BRF1: variants seen among roughly 807,000 people sequenced by gnomAD.
BRF1 encodes BRF1 general transcription factor IIIB subunit.
BRF1 carries 59 observed loss-of-function variants against 81.7 expected under a neutral mutation model. The observed-to-expected ratio is 0.72, with a 90% CI of 0.59 to 0.90. The LOEUF (loss-of-function observed/expected upper bound fraction) is 0.90, where lower values mean the gene tolerates loss of function less well. Ranked by LOEUF, BRF1 falls within the 40% of genes least tolerant of loss-of-function variation. The pLI is 0.00. For missense variants in BRF1, 1,050 were observed against 936.3 expected (o/e 1.12, Z -1.58); for synonymous variants, 491 against 395.6 (o/e 1.24, Z -2.86).
Position 105,249,287 on chromosome 14 carries a change from C to T in BRF1, c.544+3220G>A, listed in dbSNP as rs777472130. On this transcript the variant is annotated intron_variant, in intron 5 of 17. Transcript: ENST00000547530. ...CCCCTCTCGGAACGCGTGCCCCGTC[C>T]GCCCCGTCCGCCGTGTGGCTGACAC... 15 of 1,562,918 alleles carry T rather than the reference C, an allele frequency of 9.6e-6. 1 individual carries two copies. In the South Asian group the frequency reaches 1.5e-4, roughly 16 times the overall value.
intron 3 of BRF1, among the ~76,000 whole-genome samples, chr14:105,267,417 C>T (rs1487812821): frequency 1.3e-5 from 2 of 152,036 alleles, no homozygotes; most frequent in Admixed American, 1.3e-4. Flanking sequence ...GATCCTCCCA[C>T]CTCAGCCTCC....
intron 5 of BRF1, among the ~76,000 whole-genome samples, chr14:105,244,228 A>G (rs1044985278): frequency 6.6e-6 from 1 of 152,128 alleles, no homozygotes; most frequent in Non-Finnish European, 1.5e-5. Flanking sequence ...GGATCGCTTG[A>G]GCCCAGGAGT....
chr14:105,227,815 T>G (rs972396310), intron 7 of BRF1: 16 of 152,262 alleles, frequency 1.1e-4, no homozygotes, highest in Admixed American at 6.5e-4. Flanking sequence ...AATGGTCAGA[T>G]GTTTAAAGTG....
chr14:105,258,426 T>C (rs1468166757), intron 3 of BRF1, among the ~76,000 whole-genome samples: 7 of 151,226 alleles, frequency 4.6e-5, no homozygotes, highest in Admixed American at 4.6e-4. Flanking sequence ...AAGGCGGAGC[T>C]TGCAGTGAGC....
chr14:105,283,511 G>A (rs1211806310), intron 2 of BRF1, among the ~76,000 whole-genome samples: 5 of 152,184 alleles, frequency 3.3e-5, no homozygotes, highest in African/African-American at 1.2e-4. Context: ...GGGGCCTCCT[G>A]GGCCTGCAGG....
At chr14:105,264,918 G>C (rs56074612) in intron 3 of BRF1, among the ~76,000 whole-genome samples, 2 of 152,058 alleles carry the variant, frequency 1.3e-5, no homozygotes, top group Admixed American at 1.3e-4. Flanking sequence ...GAGCAAAAGA[G>C]AGAAAGGCTA....
rs758996159 is a variant in BRF1 at position 105,228,882 on chromosome 14, G to A, written c.726C>T (p.Phe242=). 9 of 1,613,840 alleles carry A rather than the reference G, an allele frequency of 5.6e-6. 1 individual carries two copies. Among genetic ancestry groups the A allele is most frequent in the South Asian group, 3.3e-5 (3 of 91,088 alleles). ...TGATGACCTCCTTCACAGTCCTCCT[G>A]AAGTCATGCATTCTGGCTGCAACCA... ...ALLVAARMHD[F]RRTVKEVISV... Residue 242 remains phenylalanine, a synonymous_variant, in exon 7 of 18, where the codon TTC becomes TTT. Coordinates refer to ENST00000547530, the MANE Select transcript of BRF1 (RefSeq NM_001519.4).
intron 6 of BRF1, 83 bp downstream of exon 6, chr14:105,241,182 C>T (rs1307434812): frequency 5.8e-6 from 9 of 1,565,064 alleles, no homozygotes; most frequent in East Asian, 4.5e-5. Context: ...ACATACGGCC[C>T]AGCCCACCAG....
chr14:105,226,025 C>T (rs778289792), intron 10 of BRF1, 44 bp downstream of exon 10: 30 of 1,533,920 alleles, frequency 2.0e-5, no homozygotes, highest in Non-Finnish European at 2.7e-5. Context: ...GAGACTCTAG[C>T]ACATTTTAAA....
chr14:105,302,186 A>G (rs374297911), upstream of BRF1, among the ~76,000 whole-genome samples: 1 of 141,558 alleles, frequency 7.1e-6, no homozygotes. Context: ...GGAAGACCCC[A>G]CCCTCTTTTT....
At chr14:105,303,086 G>C (rs587683048), upstream of BRF1, among the ~76,000 whole-genome samples, 1 of 151,958 alleles carries the variant, frequency 6.6e-6, no homozygotes, top group Admixed American at 6.6e-5. Context: ...GTGCCACCAC[G>C]CCCAGCTAAT....
intron 1 of BRF1, among the ~76,000 whole-genome samples, chr14:105,293,933 G>T (rs186748340): frequency 6.6e-6 from 1 of 152,354 alleles, no homozygotes; most frequent in East Asian, 1.9e-4. Flanking sequence ...CAGTGGCCTT[G>T]GGACTAGAAA....
chr14:105,220,053 G>A lies in BRF1; in HGVS notation c.1377+16C>T, dbSNP rs587624542. 6.2e-7 allele frequency: 1 copy of A among 1,611,226 alleles called. No individual in the cohort carries two copies. Among genetic ancestry groups the A allele is most frequent in the Admixed American group, 1.7e-5 (1 of 60,024 alleles). The stretch of plus-strand genomic sequence containing the variant: ...CCCAAGCCCAGCCCCTCTTGGGAAG[G>A]GGTGCTGCCACGTACCCTGTCAATC... On this transcript the variant is annotated intron_variant, in intron 12 of 17. Coordinates refer to ENST00000547530, the MANE Select transcript of BRF1 (RefSeq NM_001519.4).
In BRF1 at chr14:105,210,422, G is replaced by T; in HGVS notation, c.*129C>A. ...AGTTCCACATGGGACGAGGGCTGTG[G>T]GACAGGTGCCACCTGTCACCAGGAG... On this transcript the variant is annotated 3_prime_UTR_variant, in exon 18 of 18. Coordinates refer to ENST00000547530, the MANE Select transcript of BRF1 (RefSeq NM_001519.4). This position sits in a 1 kb window ranked among gnomAD's most constrained non-coding sequence, Gnocchi z 4.7. 4.1e-6 allele frequency: 4 copies of T among 978,966 alleles called. No individual in the cohort carries two copies. Among genetic ancestry groups the T allele is most frequent in the East Asian group, 2.6e-5 (1 of 38,356 alleles). The allele number at this position is 978,966 out of a possible 1,614,324, so 60.6% of individuals were successfully genotyped here.
At chr14:105,313,154 G>A (rs1171639468) in intron 1 of BRF1, among the ~76,000 whole-genome samples, 6 of 152,212 alleles carry the variant, frequency 3.9e-5, no homozygotes, top group Non-Finnish European at 5.9e-5. Flanking sequence ...GCCTGGGTTA[G>A]ACGCTGGCAT....
intron 3 of BRF1, among the ~76,000 whole-genome samples, chr14:105,260,167 A>G (rs1457555041): frequency 6.6e-6 from 1 of 152,182 alleles, no homozygotes; most frequent in Non-Finnish European, 1.5e-5. Flanking sequence ...CTTTACCTTC[A>G]GAGGAGAAAA....
chr14:105,229,681 C>A (rs1355074511), intron 6 of BRF1, among the ~76,000 whole-genome samples: 6 of 148,068 alleles, frequency 4.1e-5, no homozygotes, highest in African/African-American at 1.5e-4. Context: ...CCCTCAGGAG[C>A]AACAACCTAG....
In BRF1 at chr14:105,228,876, C is replaced by A. The variant is rs1415764640; in HGVS notation, c.732G>T (p.Arg244Ser). Residue 244 changes from arginine to serine, a missense_variant, in exon 7 of 18, where the codon AGG (arginine) becomes AGT (serine). By Grantham distance (110) the Arg-to-Ser change is moderately radical (BLOSUM62 -1). Coordinates refer to ENST00000547530, the MANE Select transcript of BRF1 (RefSeq NM_001519.4). The stretch of plus-strand genomic sequence containing the variant: ...CCACACTGATGACCTCCTTCACAGT[C>A]CTCCTGAAGTCATGCATTCTGGCTG... The part of the protein sequence containing the change: ...LVAARMHDFR[R>S]TVKEVISVVK... 6.2e-6 allele frequency: 10 copies of A among 1,613,876 alleles called. No homozygotes were observed. Among genetic ancestry groups the A allele is most frequent in the Non-Finnish European group, 7.6e-6 (9 of 1,180,022 alleles).
chr14:105,252,653 C>T (rs2055675700), intron 4 of BRF1, 74 bp from the exon 5 acceptor site: 1 of 1,494,410 alleles, frequency 6.7e-7, no homozygotes, highest in Admixed American at 1.9e-5. Flanking sequence ...TCTTAAAATG[C>T]ATCTCTTGTG....
Sources: gnomAD v4.1 joint callset for allele counts (sites outside exome capture counted in the v4.1 genomes callset) on GRCh38, gnomAD v4.1.1 for gene constraint, Gnocchi (gnomAD v3.1) non-coding constraint, MANE v1.5 for transcripts, NCBI Gene and HGNC (gene_info 2026-07-23, HGNC 2026-07-21) for gene names.